Variants in RPL28 observed in about 807,000 individuals in gnomAD.
RPL28 encodes the protein large ribosomal subunit protein eL28.
Under a neutral mutation model 12.5 loss-of-function variants are expected in RPL28, and 4 were observed. The ratio of observed to expected loss-of-function variants is 0.32; its 90% CI spans 0.16 to 0.73. The LOEUF is 0.73. Ranked by LOEUF, RPL28 falls within the 30% of genes least tolerant of loss-of-function variation. The probability of loss-of-function intolerance (pLI) is 0.66; values close to 1 mark genes in which losing one functional copy is unlikely to be tolerated. For missense variants in RPL28, 214 were observed against 197.7 expected (o/e 1.08, Z -0.49); for synonymous variants, 91 against 72.5 (o/e 1.26, Z -1.30).
rs1229502598 is a variant in RPL28, at chr19:55,389,463, C to A, written c.*1131C>A. On this transcript the variant is annotated 3_prime_UTR_variant, in exon 5 of 5. Coordinates refer to ENST00000344063, the MANE Select transcript of RPL28 (RefSeq NM_000991.5). ...ACCAAGGATCCAGCATCCATGGCAC[C>A]CCTGGTTCCTGCCATCCTGGGGTAC... The A allele has an allele frequency of 2.0e-6, 2 of 985,328 alleles. No individual in the cohort carries two copies. The highest frequency in any genetic ancestry group is 3.5e-5 in the African/African-American group (2 of 57,226). The allele number at this position is 985,328 out of a possible 1,614,324, so 61.0% of individuals were successfully genotyped here.
rs2089982036 is a variant in RPL28, at chr19:55,390,711, G to C, written c.*2379G>C. ...TCCTGCGGGTGGCCAGCCTGTCTGT[G>C]TGGCTGGGCTGGGGAGGCCACGTCT... On this transcript the variant is annotated 3_prime_UTR_variant, in exon 5 of 5. Coordinates refer to ENST00000344063, the MANE Select transcript of RPL28 (RefSeq NM_000991.5). 1.0e-6 allele frequency: 1 copy of C among 985,342 alleles called. No homozygotes were observed. The highest frequency in any genetic ancestry group is 1.7e-5 in the African/African-American group (1 of 57,226). 61.0% of individuals were successfully genotyped at this position (985,342 alleles called of 1,614,324 possible). A position where few individuals can be genotyped will look rare whatever the true frequency, so the allele number is the denominator to read the frequency against.
intron 4 of RPL28, chr19:55,401,900 A>G: frequency 1.3e-6 from 1 of 774,400 alleles, no homozygotes; most frequent in Admixed American, 3.2e-5. Flanking sequence ...CCTATGCTGC[A>G]TCCTCCCTCA....
chr19:55,397,378 A>C (rs933242486), intron 4 of RPL28, among the ~76,000 whole-genome samples: 1 of 152,004 alleles, frequency 6.6e-6, no homozygotes, highest in East Asian at 1.9e-4. Context: ...AATCGGGACA[A>C]ATGTTTTTGT....
intron 4 of RPL28, among the ~76,000 whole-genome samples, chr19:55,397,563 G>C (rs1053396867): frequency 6.6e-6 from 1 of 151,844 alleles, no homozygotes; most frequent in African/African-American, 2.4e-5. Context: ...TGTATTTTTA[G>C]TAGAGACAGG....
chr19:55,386,855 C>A lies in RPL28; in HGVS notation c.205+162C>A, dbSNP rs913416202. The A allele has an allele frequency of 2.6e-6, 4 of 1,557,488 alleles. No individual in the cohort carries two copies. The highest frequency in any genetic ancestry group is 3.5e-6 in the Non-Finnish European group (4 of 1,152,834). ...CCGGCTTCCCTCTCGGCCGACTTGT[C>A]AGCTCTGTGAGCCGCGCGCGTCTGA... On this transcript the variant is annotated intron_variant, in intron 3 of 4. Coordinates refer to ENST00000344063, the MANE Select transcript of RPL28 (RefSeq NM_000991.5).
chr19:55,387,754 G>T, intron 3 of RPL28, 176 bp from the exon 4 acceptor site: 1 of 1,455,336 alleles, frequency 6.9e-7, no homozygotes, highest in Non-Finnish European at 9.0e-7. Flanking sequence ...CCGTGATGAC[G>T]AGTGAGCCTC....
chr19:55,388,924 G>A lies in RPL28; in HGVS notation c.*592G>A. The stretch of plus-strand genomic sequence containing the variant: ...CTGTAAGGGAGATGGCAGCCCCAGG[G>A]TACAGCCAGCAGGCATTGAGCAGCC... On this transcript the variant is annotated 3_prime_UTR_variant, in exon 5 of 5. Coordinates refer to ENST00000344063, the MANE Select transcript of RPL28 (RefSeq NM_000991.5). 1 of 985,526 alleles carries A rather than the reference G, an allele frequency of 1.0e-6. No homozygotes were observed. The highest frequency in any genetic ancestry group is 1.2e-6 in the Non-Finnish European group (1 of 830,008). 61.0% of individuals were successfully genotyped at this position (985,526 alleles called of 1,614,324 possible).
intron 3 of RPL28, chr19:55,387,152 C>A: frequency 1.6e-6 from 2 of 1,286,128 alleles, no homozygotes; most frequent in Non-Finnish European, 2.2e-6. Context: ...GTCTTGGGGA[C>A]CCCACTCCAT....
downstream of RPL28, among the ~76,000 whole-genome samples, chr19:55,392,445 C>G (rs938945214): frequency 7.2e-5 from 11 of 152,252 alleles, no homozygotes; most frequent in East Asian, 1.9e-3. Context: ...GTTGCCCAGG[C>G]TGGTCCTGAA....
At chr19:55,387,405 C>A in intron 3 of RPL28, 1 of 1,547,474 alleles carries the variant, frequency 6.5e-7, no homozygotes, top group Non-Finnish European at 8.7e-7. Flanking sequence ...ACACGTAGTC[C>A]AGGGAGCAGC....
intron 3 of RPL28, chr19:55,387,228 C>G (rs1360543505): frequency 1.7e-5 from 25 of 1,498,318 alleles, no homozygotes; most frequent in Non-Finnish European, 2.2e-5. Flanking sequence ...TCGGGGGTCT[C>G]TAATGGAGGA....
chr19:55,387,986 G>A lies in RPL28; in HGVS notation c.262G>A (p.Ala88Thr), dbSNP rs1472960300. The A allele has an allele frequency of 1.2e-6, 2 of 1,610,892 alleles. No homozygotes were observed. Among genetic ancestry groups the A allele is most frequent in the Non-Finnish European group, 1.7e-6 (2 of 1,178,666 alleles). Residue 88 changes from alanine to threonine, a missense_variant, in exon 4 of 5, where the codon GCC (alanine) becomes ACC (threonine). Transcript: ENST00000344063. ...VRTTINKNAR[A>T]TLSSIRHMIR... ...GACCACCATCAACAAGAATGCTCGC[G>A]CCACGCTCAGCAGCATCAGACACAT... is the stretch of plus-strand genomic sequence containing the variant.
Position 55,388,951 on chromosome 19 carries a change from T to G in RPL28, c.*619T>G. 5 of 985,464 alleles carry G rather than the reference T, an allele frequency of 5.1e-6. No homozygotes were observed. Among genetic ancestry groups the G allele is most frequent in the Non-Finnish European group, 6.0e-6 (5 of 829,992 alleles). 61.0% of individuals were successfully genotyped at this position (985,464 alleles called of 1,614,324 possible). On this transcript the variant is annotated 3_prime_UTR_variant, in exon 5 of 5. Coordinates refer to ENST00000344063, the MANE Select transcript of RPL28 (RefSeq NM_000991.5). ...ACAGCCAGCAGGCATTGAGCAGCCT[T>G]AGCATTGTCCCCCTACTCCCGTCCT...
At position 55,390,786 on chromosome 19, in the gene RPL28, TGGAG is replaced by T; in HGVS notation, c.*2463_*2466del. The T allele has an allele frequency of 1.0e-6, 1 of 985,474 alleles. No individual in the cohort carries two copies. The highest frequency in any genetic ancestry group is 1.2e-6 in the Non-Finnish European group (1 of 829,948). The allele number at this position is 985,474 out of a possible 1,614,324, so 61.0% of individuals were successfully genotyped here. On this transcript the variant is annotated 3_prime_UTR_variant, in exon 5 of 5. Coordinates refer to ENST00000344063, the MANE Select transcript of RPL28 (RefSeq NM_000991.5). Reference sequence around the variant, plus strand: ...TGGGGTGGAGGAACCAGGAGAGGGCTGGAGGGAGGGAGATGGTCTCAGCCCCACA... The same window carrying T: ...TGGGGTGGAGGAACCAGGAGAGGGCTGGAGGGAGATGGTCTCAGCCCCACA...
chr19:55,393,114 C>T (rs984373086), downstream of RPL28, among the ~76,000 whole-genome samples: 3 of 150,698 alleles, frequency 2.0e-5, no homozygotes, highest in South Asian at 4.3e-4. Flanking sequence ...ACACCTCCAG[C>T]GGCCCCAGCT....
downstream of RPL28, among the ~76,000 whole-genome samples, chr19:55,396,281 A>C (rs1007356720): frequency 2.6e-5 from 4 of 151,230 alleles, no homozygotes; most frequent in Non-Finnish European, 5.9e-5. Flanking sequence ...AAAAAAAAAA[A>C]CTTTAAAATT....
chr19:55,401,623 G>A (rs768128796), intron 4 of RPL28: 2 of 1,605,734 alleles, frequency 1.2e-6, no homozygotes, highest in Admixed American at 1.7e-5. Flanking sequence ...CCTGCCGCTG[G>A]GCCCGCCGGC....
rs2089955851 is a variant in RPL28 at position 55,388,272 on chromosome 19, G to A, written c.354G>A (p.Leu118=). The A allele has an allele frequency of 1.3e-6, 2 of 1,579,856 alleles. No homozygotes were observed. The highest frequency in any genetic ancestry group is 1.8e-5 in the Admixed American group (1 of 54,970). The change falls in exon 5 of 5, where the codon CTG becomes CTA. Residue 118 remains leucine (L), a synonymous_variant. Transcript: ENST00000344063. The stretch of plus-strand genomic sequence containing the variant: ...CCATCCGCAGGGCCAGCGCCATCCT[G>A]CGCAGCCAGAAGCCTGTGATGGTGA... ...MAAIRRASAI[L]RSQKPVMVKR...
At position 55,391,072 on chromosome 19, in the gene RPL28, T is replaced by A; in HGVS notation, c.*2740T>A. The A allele has an allele frequency of 3.5e-6, 2 of 570,744 alleles. No individual in the cohort carries two copies. The highest frequency in any genetic ancestry group is 4.4e-6 in the Non-Finnish European group (2 of 450,720). The allele number at this position is 570,744 out of a possible 1,614,324, so 35.4% of individuals were successfully genotyped here. On this transcript the variant is annotated 3_prime_UTR_variant, in exon 5 of 5. Transcript: ENST00000344063. ...AACAAAAGAAAAGCGTCTTGTCACA[T>A]ACAGAAGGTCCCTGATAAAGTTAGT...
Sources: allele counts gnomAD v4.1 joint callset (sites outside exome capture counted in the v4.1 genomes callset), GRCh38; gene constraint gnomAD v4.1.1; transcripts MANE v1.5; gene names NCBI Gene and HGNC (gene_info 2026-07-23, HGNC 2026-07-21).